The following BLTP1 variants were observed in gnomAD, a reference collection of about 807,000 sequenced individuals.
BLTP1 encodes the protein bridge-like lipid transfer protein family member 1.
At chr4:122,213,012 G>A in the BLTP1 span, among the ~76,000 whole-genome samples, 1 of 152,078 alleles carries the variant, frequency 6.6e-6, no homozygotes, top group African/African-American at 2.4e-5. Context: ...AGGAATTTGT[G>A]CAATTCTTTG....
At chr4:122,333,839 T>G in the BLTP1 span, 1 of 1,584,698 alleles carries the variant, frequency 6.3e-7, no homozygotes, top group Non-Finnish European at 8.5e-7. Flanking sequence ...GGGTAAGGGA[T>G]TAGACTATTG....
chr4:122,281,458 T>G, the BLTP1 span: 6 of 1,433,186 alleles, frequency 4.2e-6, no homozygotes, highest in Non-Finnish European at 5.5e-6. Context: ...TATTTTTCAC[T>G]GAGAAATCCA....
the BLTP1 span, chr4:122,292,464 C>A: frequency 2.3e-5 from 19 of 843,940 alleles, no homozygotes; most frequent in Non-Finnish European, 2.6e-5. Flanking sequence ...AAGATTATTT[C>A]AGATATGTTA....
the BLTP1 span, chr4:122,192,091 AC>A: frequency 1.4e-6 from 1 of 729,822 alleles, no homozygotes; most frequent in South Asian, 3.3e-5. Flanking sequence ...TATGAGAACA[AC>A]CCCTTTTAGG....
chr4:122,272,501 T>C, the BLTP1 span: 1 of 1,130,016 alleles, frequency 8.8e-7, no homozygotes, highest in Non-Finnish European at 1.2e-6. Context: ...AATTCCTAAT[T>C]GGCAAATTTT....
chr4:122,236,751 C>T, the BLTP1 span: 2 of 947,170 alleles, frequency 2.1e-6, no homozygotes, highest in Non-Finnish European at 1.3e-6. Flanking sequence ...CTCTTTCTAA[C>T]ATTGAAGAAA....
the BLTP1 span, chr4:122,208,172 T>C: frequency 1.1e-6 from 1 of 899,256 alleles, no homozygotes; most frequent in Non-Finnish European, 1.3e-6. Flanking sequence ...TTAAACATTT[T>C]CTGGGTACTA....
the BLTP1 span, chr4:122,226,759 G>A: frequency 8.7e-6 from 14 of 1,613,214 alleles, 1 homozygote; most frequent in South Asian, 9.9e-5. Flanking sequence ...GTGGTATGTC[G>A]GGAGTATGAA....
the BLTP1 span, among the ~76,000 whole-genome samples, chr4:122,297,248 A>G: frequency 2.6e-5 from 4 of 152,354 alleles, no homozygotes; most frequent in East Asian, 5.8e-4. Context: ...GGCAAAGGAC[A>G]TGAACAGACA....
the BLTP1 span, chr4:122,235,612 T>C: frequency 1.1e-4 from 28 of 249,040 alleles, no homozygotes; most frequent in Non-Finnish European, 1.5e-4. Context: ...AAGACCATCC[T>C]GGCTAACGTG....
the BLTP1 span, chr4:122,264,508 C>A: frequency 0.066 from 84,104 of 1,282,810 alleles, 3,138 homozygotes; most frequent in Middle Eastern, 0.08. Context: ...ATAGTACGCA[C>A]CTTGGAATTC....
the BLTP1 span, among the ~76,000 whole-genome samples, chr4:122,332,403 A>G: frequency 6.6e-6 from 1 of 151,982 alleles, no homozygotes. Flanking sequence ...CTGTATTTTT[A>G]CTATATAAAG....
the BLTP1 span, chr4:122,264,052 GA>G: frequency 2.3e-6 from 2 of 860,918 alleles, no homozygotes; most frequent in Non-Finnish European, 2.8e-6. Context: ...CATGTGTTCT[GA>G]AAAGTTAATT....
chr4:122,303,859 G>A, the BLTP1 span, among the ~76,000 whole-genome samples: 1 of 152,270 alleles, frequency 6.6e-6, no homozygotes, highest in Non-Finnish European at 1.5e-5. Flanking sequence ...TGGTGAAGAT[G>A]CTGTAAACAC....
chr4:122,358,879 G>A, the BLTP1 span, among the ~76,000 whole-genome samples: 3 of 152,030 alleles, frequency 2.0e-5, no homozygotes, highest in Admixed American at 6.6e-5. Flanking sequence ...CTATGTTGCA[G>A]ATTACACTTT....
the BLTP1 span, chr4:122,298,622 G>A: frequency 7.8e-6 from 2 of 258,006 alleles, no homozygotes; most frequent in South Asian, 3.8e-4. Flanking sequence ...ACAAAGATAT[G>A]TGGGTAAAAA....
chr4:122,283,717 C>T, the BLTP1 span, among the ~76,000 whole-genome samples: 4 of 152,178 alleles, frequency 2.6e-5, no homozygotes, highest in East Asian at 5.8e-4. Flanking sequence ...ACTGTGTTGC[C>T]TAGGCTGGTG....
the BLTP1 span, chr4:122,347,817 G>T: frequency 6.9e-7 from 1 of 1,455,426 alleles, no homozygotes; most frequent in South Asian, 1.3e-5. Flanking sequence ...GCCCTACAGT[G>T]TTCTCAGGAT....
At chr4:122,344,210 T>C in the BLTP1 span, 5 of 441,256 alleles carry the variant, frequency 1.1e-5, no homozygotes, top group African/African-American at 4.3e-5. Flanking sequence ...ACCTCTTAAA[T>C]TGTTGTTAGA....
Sources: gnomAD v4.1 joint callset for allele counts (sites outside exome capture counted in the v4.1 genomes callset) on GRCh38, gnomAD v4.1.1 for gene constraint, MANE v1.5 for transcripts, NCBI Gene and HGNC (gene_info 2026-07-23, HGNC 2026-07-21) for gene names.